Variants in CD4 observed in about 807,000 individuals in gnomAD.
The protein encoded by CD4 is CD4 molecule.
CD4 carries 25 observed loss-of-function variants against 50.5 expected under a neutral mutation model. The observed-to-expected ratio is 0.49, with a 90% confidence interval of 0.36 to 0.69. CD4 has a LOEUF of 0.69. Ranked by LOEUF, CD4 falls within the 30% of genes least tolerant of loss-of-function variation. The pLI is 0.00. For synonymous variants in CD4, 207 were observed against 221.9 expected, an observed-to-expected ratio of 0.93 and a Z score of 0.60; for missense variants, 456 against 548.5, an observed-to-expected ratio of 0.83 and a Z score of 1.68.
Position 6,819,423 on chromosome 12 carries a change from C to A in CD4, c.*94C>A. 8.8e-7 allele frequency: 1 copy of A among 1,140,672 alleles called. No homozygotes were observed. Among genetic ancestry groups the A allele is most frequent in the Non-Finnish European group, 1.3e-6 (1 of 752,134 alleles). The allele number at this position is 1,140,672 out of a possible 1,614,324, so 70.7% of individuals were successfully genotyped here. A position where few individuals can be genotyped will look rare whatever the true frequency, so the allele number is the denominator to read the frequency against. On this transcript the variant is annotated 3_prime_UTR_variant, in exon 10 of 10. Coordinates refer to ENST00000011653, the MANE Select transcript of CD4 (RefSeq NM_000616.5). ...CCAGATGAATGTAGCAGATCCCCAG[C>A]CTCTGGCCTCCTGTTCGCCTCCTCT...
chr12:6,817,819 A>G (rs11064420), intron 7 of CD4, among the ~76,000 whole-genome samples: 40,740 of 150,752 alleles, frequency 0.27, 6,786 homozygotes, highest in Non-Finnish European at 0.36. Flanking sequence ...ACACCCATGC[A>G]CTCACACACT....
At chr12:6,806,873 A>C (rs1446132830) in intron 3 of CD4, among the ~76,000 whole-genome samples, 1 of 152,200 alleles carries the variant, frequency 6.6e-6, no homozygotes, top group Non-Finnish European at 1.5e-5. Context: ...GTTTCTTATA[A>C]AACAAAACAT....
rs116565881 is a variant in CD4, at chr12:6,805,996, C to T, written c.214+5525C>T. On this transcript the variant is annotated intron_variant, in intron 3 of 9. Coordinates refer to ENST00000011653, the MANE Select transcript of CD4 (RefSeq NM_000616.5). The stretch of plus-strand genomic sequence containing the variant: ...CAAAATAATTTTGCTCTGCAAAATC[C>T]CTATTAAGAAGAAGAAAAGAGGCTG... 5.6e-3 allele frequency among the ~76,000 whole-genome samples: 847 copies of T among 151,574 alleles called. 7 individuals are homozygous for T. The highest frequency in any genetic ancestry group is 0.019 in the African/African-American group (797 of 41,324).
chr12:6,817,397 C>T (rs1943109401), intron 7 of CD4, 67 bp downstream of exon 7: 18 of 1,360,056 alleles, frequency 1.3e-5, no homozygotes, highest in Middle Eastern at 5.0e-4. Flanking sequence ...TGGCAGAGAC[C>T]ACCCAGAGTC....
At chr12:6,789,687 T>C (rs921243873) in intron 1 of CD4, 25 bp downstream of exon 1, 5 of 152,276 alleles carry the variant, frequency 3.3e-5, no homozygotes, top group African/African-American at 1.2e-4. Context: ...CTCGGCTTCC[T>C]TCCCCGGAGC....
intron 3 of CD4, among the ~76,000 whole-genome samples, chr12:6,804,655 T>G (rs1942670571): frequency 6.6e-6 from 1 of 152,154 alleles, no homozygotes. Flanking sequence ...GGAAGATTGC[T>G]TAAGCCCAGG....
intron 4 of CD4, 32 bp from the exon 5 acceptor site, chr12:6,814,725 ATG>A (rs781995910): frequency 6.9e-7 from 1 of 1,454,816 alleles, no homozygotes; most frequent in Non-Finnish European, 9.7e-7. Context: ...TGGGGATGGT[ATG>A]TGTGTGACAC....
rs782460596 is a variant in CD4, at chr12:6,816,374, A to T, written c.926A>T (p.His309Leu). 28 of 1,613,988 alleles carry T rather than the reference A, an allele frequency of 1.7e-5. No homozygotes were observed. The South Asian group carries it at 2.6e-4, about 15-fold the overall frequency. ...CTTGAAGCGAAAACAGGAAAGTTGC[A>T]TCAGGAAGTGAACCTGGTGGTGATG... is the stretch of plus-strand genomic sequence containing the variant. ...LALEAKTGKLHQEVNLVVMRA... is the reference protein window; with the variant it reads ...LALEAKTGKLLQEVNLVVMRA... Residue 309 changes from histidine to leucine, a missense_variant, in exon 6 of 10, where the codon CAT (histidine) becomes CTT (leucine). His to Leu is a moderately conservative substitution (Grantham distance 99). Coordinates refer to ENST00000011653, the MANE Select transcript of CD4 (RefSeq NM_000616.5). This position sits in a 1 kb window ranked among gnomAD's most constrained non-coding sequence, Gnocchi z 4.9.
At position 6,818,638 on chromosome 12, in the gene CD4, C is replaced by T; in HGVS notation, c.1278+96C>T. 1.3e-6 allele frequency: 2 copies of T among 1,483,640 alleles called. No individual in the cohort carries two copies. Among genetic ancestry groups the T allele is most frequent in the Non-Finnish European group, 1.9e-6 (2 of 1,074,068 alleles). 91.9% of individuals were successfully genotyped at this position (1,483,640 alleles called of 1,614,324 possible). ...ATGGGAACTGATTTTGGCCCAGCTC[C>T]CTCTGCCCACTCGTAAGTTCCCTTG... On this transcript the variant is annotated intron_variant, in intron 8 of 9. Transcript: ENST00000011653. The surrounding 1 kb of genome is among the most constrained non-coding windows in gnomAD (Gnocchi z 5.0).
At chr12:6,796,686 C>G (rs1942385260) in intron 1 of CD4, among the ~76,000 whole-genome samples, 1 of 152,200 alleles carries the variant, frequency 6.6e-6, no homozygotes, top group Admixed American at 6.5e-5. Flanking sequence ...GGACAAAGCT[C>G]CAGCTCTTCG....
rs962356949 is a variant in CD4 at position 6,818,670 on chromosome 12, T to A, written c.1278+128T>A. On this transcript the variant is annotated intron_variant, in intron 8 of 9. Coordinates refer to ENST00000011653, the MANE Select transcript of CD4 (RefSeq NM_000616.5). The surrounding 1 kb of genome is among the most constrained non-coding windows in gnomAD (Gnocchi z 5.0). ...CCACTCGTAAGTTCCCTTGCTGCCC[T>A]GTCCCAGATCCCACTCAAGGGAGAG... 5 of 1,281,654 alleles carry A rather than the reference T, an allele frequency of 3.9e-6. No individual in the cohort carries two copies. Among genetic ancestry groups the A allele is most frequent in the Non-Finnish European group, 5.6e-6 (5 of 896,862 alleles). The allele number at this position is 1,281,654 out of a possible 1,614,324, so 79.4% of individuals were successfully genotyped here.
intron 3 of CD4, among the ~76,000 whole-genome samples, chr12:6,810,761 T>C (rs982952315): frequency 1.3e-5 from 2 of 152,118 alleles, no homozygotes; most frequent in Admixed American, 1.3e-4. Flanking sequence ...AGGAATGTAG[T>C]TGAATTTCAG....
chr12:6,816,312 G>T lies in CD4; in HGVS notation c.864G>T (p.Leu288Phe). Residue 288 changes from leucine to phenylalanine, a missense_variant, in exon 6 of 10, where the codon TTG becomes TTT. Physicochemically the swap from Leu to Phe is conservative, Grantham distance 22. Transcript: ENST00000011653. The surrounding 1 kb of genome is among the most constrained non-coding windows in gnomAD (Gnocchi z 4.9). ...LPLHLTLPQA[L>F]PQYAGSGNLT... ...TCCACCTCACCCTGCCCCAGGCCTT[G>T]CCTCAGTATGCTGGCTCTGGAAACC... 1 of 1,614,242 alleles carries T rather than the reference G, an allele frequency of 6.2e-7. No homozygotes were observed. Among genetic ancestry groups the T allele is most frequent in the Non-Finnish European group, 8.5e-7 (1 of 1,180,040 alleles).
intron 3 of CD4, among the ~76,000 whole-genome samples, chr12:6,808,313 G>A (rs1555116543): frequency 6.7e-6 from 1 of 150,338 alleles, no homozygotes; most frequent in Middle Eastern, 3.5e-3. Context: ...TTAGCTGGGC[G>A]TGGTGGCACC....
Position 6,792,336 on chromosome 12 carries a change from G to A in CD4, c.-68+2674G>A, listed in dbSNP as rs936343286. Among the ~76,000 whole-genome samples the A allele has an allele frequency of 1.6e-4, 24 of 152,160 alleles. No homozygotes were observed. Among genetic ancestry groups the A allele is most frequent in the African/African-American group, 5.8e-4 (24 of 41,452 alleles). On this transcript the variant is annotated intron_variant, in intron 1 of 9. Coordinates refer to ENST00000011653, the MANE Select transcript of CD4 (RefSeq NM_000616.5). The surrounding 1 kb of genome is among the most constrained non-coding windows in gnomAD (Gnocchi z 4.1). The stretch of plus-strand genomic sequence containing the variant: ...TCAAGGCTCTGAGAAAGTGCGTGGT[G>A]TGTGTTGCCATTTTGGTCTCTTCTC...
chr12:6,810,659 G>A lies in CD4; in HGVS notation c.215-3483G>A, dbSNP rs782127238. 9.8e-5 allele frequency among the ~76,000 whole-genome samples: 15 copies of A among 152,310 alleles called. No individual in the cohort carries two copies. The South Asian group carries it at 2.9e-3, about 29-fold the overall frequency. ...GACGAAGAAAAACGAATCATACTTA[G>A]AAATGGAGGGGAGGAACAAAAGAGG... On this transcript the variant is annotated intron_variant, in intron 3 of 9. Transcript: ENST00000011653.
rs1555115073 is a variant in CD4 at position 6,800,426 on chromosome 12, A to G, written c.169A>G (p.Asn57Asp). The G allele has an allele frequency of 1.5e-5, 24 of 1,614,062 alleles. No individual in the cohort carries two copies. The highest frequency in any genetic ancestry group is 1.9e-5 in the Non-Finnish European group (23 of 1,180,016). The change falls in exon 3 of 10, where the codon AAC becomes GAC. Residue 57 changes from asparagine (N) to aspartate (D), a missense_variant. Transcript: ENST00000011653. The part of the protein sequence containing the change: ...KSIQFHWKNS[N>D]QIKILGNQGS... ...CATACAATTCCACTGGAAAAACTCC[A>G]ACCAGATAAAGATTCTGGGAAATCA...
intron 3 of CD4, among the ~76,000 whole-genome samples, chr12:6,812,752 G>C (rs1555117176): frequency 6.7e-6 from 1 of 149,158 alleles, no homozygotes; most frequent in Non-Finnish European, 1.5e-5. Flanking sequence ...CCTCTTCCTA[G>C]AGGCAACCAA....
At chr12:6,794,691 G>C (rs530320958) in intron 1 of CD4, among the ~76,000 whole-genome samples, 1 of 149,960 alleles carries the variant, frequency 6.7e-6, no homozygotes, top group South Asian at 2.1e-4. Context: ...TATCTTGTCT[G>C]TCTGACTGTC....
Sources: gnomAD v4.1 joint callset for allele counts (sites outside exome capture counted in the v4.1 genomes callset) on GRCh38, gnomAD v4.1.1 for gene constraint, Gnocchi (gnomAD v3.1) non-coding constraint, MANE v1.5 for transcripts, NCBI Gene and HGNC (gene_info 2026-07-23, HGNC 2026-07-21) for gene names.